The following C6orf62 variants were observed in gnomAD, a reference collection of about 807,000 sequenced individuals.
The protein encoded by C6orf62 is uncharacterized protein C6orf62.
In C6orf62, 16 loss-of-function variants were observed where a neutral mutation model predicts 26.8. The observed-to-expected ratio is 0.60, with a 90% CI of 0.40 to 0.91. C6orf62 has a LOEUF of 0.91. C6orf62 is among the 40% of genes least tolerant of loss of function. The pLI is 0.00. For missense variants in C6orf62, 192 were observed against 271.4 expected, an observed-to-expected ratio of 0.71 and a Z score of 2.06; for synonymous variants, 112 against 91.5, an observed-to-expected ratio of 1.22 and a Z score of -1.28.
At chr6:24,718,510 G>A (rs1779284314) in intron 1 of C6orf62, 30 bp downstream of exon 1, 1 of 1,563,358 alleles carries the variant, frequency 6.4e-7, no homozygotes. Flanking sequence ...AATTACTTGT[G>A]CTAATTCACC....
intron 3 of C6orf62, chr6:24,709,737 A>G (rs1779083592): frequency 1.0e-6 from 1 of 985,266 alleles, no homozygotes; most frequent in African/African-American, 1.7e-5. Flanking sequence ...AGGAAGATCA[A>G]CTCCATCCTC....
upstream of C6orf62, chr6:24,719,998 T>C: frequency 1.3e-6 from 2 of 1,534,542 alleles, no homozygotes; most frequent in Non-Finnish European, 1.8e-6. Flanking sequence ...TGTGTTAATA[T>C]TACTTCTAAA....
upstream of C6orf62, chr6:24,720,005 T>TA: frequency 6.6e-7 from 1 of 1,521,886 alleles, no homozygotes; most frequent in Middle Eastern, 2.1e-4. Context: ...ATATTACTTC[T>TA]AAAGTAAGCC....
intron 1 of C6orf62, among the ~76,000 whole-genome samples, chr6:24,717,609 TAC>T (rs1252671862): frequency 1.3e-5 from 2 of 152,174 alleles, no homozygotes; most frequent in African/African-American, 4.8e-5. Flanking sequence ...GCCTGGGCAA[TAC>T]AGTGAGGCCT....
At chr6:24,708,553 G>A in intron 4 of C6orf62, among the ~76,000 whole-genome samples, 1 of 152,058 alleles carries the variant, frequency 6.6e-6, no homozygotes, top group East Asian at 1.9e-4. Context: ...GCCCAGGCTG[G>A]TCTGGAATTC....
chr6:24,707,251 C>T (rs1021068821), intron 4 of C6orf62: 2 of 152,172 alleles, frequency 1.3e-5, no homozygotes, highest in African/African-American at 4.8e-5. Flanking sequence ...AACATGCTCA[C>T]AGCAGTTACC....
intron 3 of C6orf62, among the ~76,000 whole-genome samples, chr6:24,711,266 ACAC>A (rs1016261839): frequency 1.1e-4 from 17 of 152,128 alleles, no homozygotes; most frequent in Admixed American, 2.6e-4. Context: ...AAACACACAC[ACAC>A]AACTTCTCAT....
chr6:24,711,443 A>G (rs1470918975), intron 3 of C6orf62, among the ~76,000 whole-genome samples: 2 of 152,160 alleles, frequency 1.3e-5, no homozygotes, highest in Non-Finnish European at 2.9e-5. Flanking sequence ...CAGTATTTAA[A>G]AACAATCCTT....
upstream of C6orf62, chr6:24,720,091 T>C: frequency 7.4e-7 from 1 of 1,359,696 alleles, no homozygotes; most frequent in Non-Finnish European, 9.5e-7. Flanking sequence ...TTTCCAGAGT[T>C]TGGATTGTTT....
At chr6:24,714,047 G>T (rs993793484) in intron 3 of C6orf62, among the ~76,000 whole-genome samples, 1 of 152,086 alleles carries the variant, frequency 6.6e-6, no homozygotes, top group Non-Finnish European at 1.5e-5. Flanking sequence ...CTCATCTGTG[G>T]GCCCCTCTAT....
At chr6:24,720,343 C>G (rs1779331585), upstream of C6orf62, 2 of 1,252,610 alleles carry the variant, frequency 1.6e-6, no homozygotes, top group Non-Finnish European at 2.0e-6. Flanking sequence ...CAAGAGAAAA[C>G]CACCAGCCAA....
upstream of C6orf62, chr6:24,719,410 T>A (rs771805317): frequency 1.7e-5 from 17 of 1,029,236 alleles, no homozygotes; most frequent in Non-Finnish European, 2.0e-5. Flanking sequence ...AGGGTTTCCC[T>A]GCAATCAACT....
At chr6:24,707,989 C>T (rs1412600311) in intron 4 of C6orf62, among the ~76,000 whole-genome samples, 1 of 150,298 alleles carries the variant, frequency 6.7e-6, no homozygotes, top group Admixed American at 6.6e-5. Flanking sequence ...CCAGCCTGGG[C>T]GACAGAGACT....
chr6:24,709,349 C>T, intron 3 of C6orf62: 1 of 985,224 alleles, frequency 1.0e-6, no homozygotes, highest in Non-Finnish European at 1.2e-6. Flanking sequence ...CACCATAGTA[C>T]TTTAAGCCCC....
chr6:24,710,627 C>T (rs980101548), intron 3 of C6orf62: 75 of 984,324 alleles, frequency 7.6e-5, no homozygotes, highest in Non-Finnish European at 8.3e-5. Context: ...GTAAGTAACA[C>T]GGGAACATTA....
intron 1 of C6orf62, among the ~76,000 whole-genome samples, chr6:24,717,019 A>G (rs1459602980): frequency 6.6e-6 from 1 of 152,144 alleles, no homozygotes; most frequent in African/African-American, 2.4e-5. Context: ...CACTGCACCC[A>G]GCCAAAACCA....
intron 2 of C6orf62, 142 bp downstream of exon 2, chr6:24,716,006 A>G (rs1779221908): frequency 4.5e-6 from 3 of 671,602 alleles, no homozygotes; most frequent in East Asian, 2.5e-5. Context: ...GATCCCAGTT[A>G]TCAACATGGC....
intron 3 of C6orf62, among the ~76,000 whole-genome samples, chr6:24,713,203 A>C (rs1476287359): frequency 6.6e-6 from 1 of 152,234 alleles, no homozygotes; most frequent in South Asian, 2.1e-4. Context: ...CGAGGAGCAC[A>C]ATGAATTCAT....
At chr6:24,709,065 A>G in intron 3 of C6orf62, 154 bp from the exon 4 acceptor site, 1 of 985,428 alleles carries the variant, frequency 1.0e-6, no homozygotes, top group South Asian at 4.7e-5. Flanking sequence ...ACAGCCAATA[A>G]TATCACAGGC....
Sources: allele counts gnomAD v4.1 joint callset (sites outside exome capture counted in the v4.1 genomes callset), GRCh38; gene constraint gnomAD v4.1.1; transcripts MANE v1.5; gene names NCBI Gene and HGNC (gene_info 2026-07-23, HGNC 2026-07-21).